RAD52: variants seen among roughly 807,000 people sequenced by gnomAD.
RAD52 encodes RAD52 DNA repair protein.
In RAD52, 47 loss-of-function variants were observed where a neutral mutation model predicts 55.5. The observed-to-expected ratio is 0.85, with a 90% CI of 0.67 to 1.08. The LOEUF (loss-of-function observed/expected upper bound fraction) is 1.08. Among genes scored for constraint, RAD52 ranks in the 50% least tolerant of loss-of-function variants. The pLI is 0.00. For missense variants in RAD52, 468 were observed against 522.8 expected (o/e 0.90, Z 1.02); for synonymous variants, 184 against 198.9 (o/e 0.92, Z 0.63).
At chr12:944,622 A>AAC (rs916965413) in intron 1 of RAD52, among the ~76,000 whole-genome samples, 1 of 146,510 alleles carries the variant, frequency 6.8e-6, no homozygotes, top group African/African-American at 2.5e-5. Flanking sequence ...AAAAAAAAAA[A>AAC]AAAAAACTCA....
intron 1 of RAD52, among the ~76,000 whole-genome samples, chr12:964,206 G>T (rs1242004680): frequency 6.6e-6 from 1 of 152,158 alleles, no homozygotes; most frequent in Non-Finnish European, 1.5e-5. Context: ...GTTTATCTAT[G>T]TAAGTTTTAA....
chr12:971,476 A>G (rs1958851352), intron 1 of RAD52, among the ~76,000 whole-genome samples: 1 of 152,124 alleles, frequency 6.6e-6, no homozygotes, highest in Non-Finnish European at 1.5e-5. Context: ...TAGTAAGTTC[A>G]CCTTTGGTTA....
chr12:921,881 G>A (rs763772625), intron 7 of RAD52, among the ~76,000 whole-genome samples: 20 of 152,094 alleles, frequency 1.3e-4, no homozygotes, highest in South Asian at 6.2e-4. Context: ...CAAGGCGGGC[G>A]GATCACCTGA....
In RAD52 at chr12:926,956, A is replaced by G. The variant is rs1357850395; in HGVS notation, c.467+189T>C. 14 of 1,546,232 alleles carry G rather than the reference A, an allele frequency of 9.1e-6. No homozygotes were observed. The South Asian group carries it at 1.5e-4, about 17-fold the overall frequency. On this transcript the variant is annotated intron_variant, in intron 6 of 11. Transcript: ENST00000358495. Reference sequence around the variant, plus strand: ...TCCCAGCAAGGGAAGCCTGAAACAGAAACATTGAAAAAATACTAACGAAAG... The same window carrying G: ...TCCCAGCAAGGGAAGCCTGAAACAGGAACATTGAAAAAATACTAACGAAAG...
chr12:939,085 T>TGG (rs57206780), intron 1 of RAD52, among the ~76,000 whole-genome samples: 31 of 144,650 alleles, frequency 2.1e-4, no homozygotes, highest in Non-Finnish European at 4.4e-4. Flanking sequence ...TGTGTGTGTG[T>TGG]AGAGAGAGAG....
Position 920,098 on chromosome 12 carries a change from T to G in RAD52, c.544-3278A>C, listed in dbSNP as rs1956633836. ...CGGGCATGGTAGCACGCACCTGTAG[T>G]TCCAGCTACTCAGGAGGCTGAGGCA... is the stretch of plus-strand genomic sequence containing the variant. On this transcript the variant is annotated intron_variant, in intron 7 of 11. Coordinates refer to ENST00000358495, the MANE Select transcript of RAD52 (RefSeq NM_134424.4). 5.2e-5 allele frequency among the ~76,000 whole-genome samples: 6 copies of G among 114,568 alleles called. 1 individual carries two copies. Among genetic ancestry groups the G allele is most frequent in the African/African-American group, 2.2e-4 (6 of 27,420 alleles). 75.2% of individuals were successfully genotyped at this position (114,568 alleles called of 152,430 possible). A position where few individuals can be genotyped will look rare whatever the true frequency, so the allele number is the denominator to read the frequency against.
At chr12:948,028 C>A (rs569389596) in intron 1 of RAD52, among the ~76,000 whole-genome samples, 11 of 135,594 alleles carry the variant, frequency 8.1e-5, no homozygotes, top group African/African-American at 3.1e-4. Flanking sequence ...ACTGCGAGTT[C>A]TGTGGAGGAC....
chr12:916,029 T>G (rs1956352228), intron 9 of RAD52, among the ~76,000 whole-genome samples: 1 of 152,148 alleles, frequency 6.6e-6, no homozygotes, highest in Non-Finnish European at 1.5e-5. Context: ...GGCTTTCTAA[T>G]GTAGAGATGG....
chr12:972,423 T>G (rs1958872224), intron 1 of RAD52, among the ~76,000 whole-genome samples: 1 of 151,980 alleles, frequency 6.6e-6, no homozygotes, highest in Non-Finnish European at 1.5e-5. Flanking sequence ...CTGAAGGAAG[T>G]AAGGAAGCAA....
At chr12:973,106 G>T (rs1405124930) in intron 1 of RAD52, among the ~76,000 whole-genome samples, 1 of 152,162 alleles carries the variant, frequency 6.6e-6, no homozygotes, top group Non-Finnish European at 1.5e-5. Flanking sequence ...GTCTCGCTCT[G>T]TCGCCCAGGC....
At chr12:968,695 C>G (rs963278298) in intron 1 of RAD52, among the ~76,000 whole-genome samples, 5 of 152,048 alleles carry the variant, frequency 3.3e-5, no homozygotes, top group African/African-American at 1.2e-4. Context: ...AAAGCTTCAA[C>G]TCATTGTGGG....
intron 1 of RAD52, among the ~76,000 whole-genome samples, chr12:966,667 G>A (rs945428383): frequency 6.6e-6 from 1 of 151,214 alleles, no homozygotes; most frequent in African/African-American, 2.4e-5. Flanking sequence ...AGTCATTCTT[G>A]ATTTAATGAT....
Position 978,282 on chromosome 12 carries a change from T to C in RAD52, c.-19+11527A>G, listed in dbSNP as rs533866443. On this transcript the variant is annotated intron_variant, in intron 1 of 11. Coordinates refer to the RAD52 transcript ENST00000430095. Reference sequence around the variant, plus strand: ...GTTGGTCAGGCTGGTCTCGAACTCCTGACCTCGTGATCTGCCCGCCTTGGC... The same window carrying C: ...GTTGGTCAGGCTGGTCTCGAACTCCCGACCTCGTGATCTGCCCGCCTTGGC... Among the ~76,000 whole-genome samples, 4 of 152,142 alleles carry C rather than the reference T, an allele frequency of 2.6e-5. No homozygotes were observed. The East Asian group carries it at 7.8e-4, about 29-fold the overall frequency.
chr12:972,045 G>C (rs988649597), intron 1 of RAD52, among the ~76,000 whole-genome samples: 2 of 152,180 alleles, frequency 1.3e-5, no homozygotes, highest in African/African-American at 4.8e-5. Context: ...ATCTCATTTT[G>C]GGAGTAGGTA....
chr12:988,893 T>C (rs982857801), intron 1 of RAD52, among the ~76,000 whole-genome samples: 17 of 120,894 alleles, frequency 1.4e-4, no homozygotes, highest in African/African-American at 6.8e-4. Context: ...GGGAATCAAA[T>C]TTCAACATGA....
upstream of RAD52, among the ~76,000 whole-genome samples, chr12:950,365 T>A (rs1193208273): frequency 6.6e-6 from 1 of 150,968 alleles, no homozygotes; most frequent in Admixed American, 6.6e-5. Flanking sequence ...AGGTCAGGAG[T>A]TCGAGACCAG....
At chr12:988,066 A>G (rs1280639899) in intron 1 of RAD52, among the ~76,000 whole-genome samples, 1 of 152,112 alleles carries the variant, frequency 6.6e-6, no homozygotes, top group African/African-American at 2.4e-5. Flanking sequence ...TTGACCTCCC[A>G]GGATGAGGTA....
chr12:961,179 AGGCGCCT>A (rs1463785770), intron 1 of RAD52, among the ~76,000 whole-genome samples: 1 of 151,596 alleles, frequency 6.6e-6, no homozygotes, highest in Non-Finnish European at 1.5e-5. Context: ...GCGTGGTGGC[AGGCGCCT>A]GTAATCCCAG....
chr12:937,042 C>T (rs1833095), intron 1 of RAD52, among the ~76,000 whole-genome samples: 109,336 of 152,018 alleles, frequency 0.72, 39,675 homozygotes, highest in South Asian at 0.85. Flanking sequence ...CCCACACATG[C>T]ACAACCTAGA....
Sources: allele counts gnomAD v4.1 joint callset (sites outside exome capture counted in the v4.1 genomes callset), GRCh38; gene constraint gnomAD v4.1.1; transcripts MANE v1.5; gene names NCBI Gene and HGNC (gene_info 2026-07-23, HGNC 2026-07-21).